LRRC37A2: variants seen among roughly 807,000 people sequenced by gnomAD.
The protein encoded by LRRC37A2 is leucine-rich repeat-containing protein 37A2.
Under a neutral mutation model 68.8 loss-of-function variants are expected in LRRC37A2, and 9 were observed. That is an observed-to-expected ratio of 0.13 (90% CI 0.08 to 0.23). LRRC37A2 has a LOEUF of 0.23. LRRC37A2 is among the 10% of genes least tolerant of loss of function. The pLI is 1.00. For synonymous variants in LRRC37A2, 63 were observed against 367.6 expected, an observed-to-expected ratio of 0.17 and a Z score of 9.48; for missense variants, 168 against 950.4, an observed-to-expected ratio of 0.18 and a Z score of 10.82.
At chr17:46,787,320 A>G in the LRRC37A2 span, among the ~76,000 whole-genome samples, 1 of 152,038 alleles carries the variant, frequency 6.6e-6, no homozygotes, top group Non-Finnish European at 1.5e-5. Context: ...GGGGAACAAT[A>G]GGAGTGTCCT....
At chr17:46,696,354 G>C in the LRRC37A2 span, among the ~76,000 whole-genome samples, 3 of 140,962 alleles carry the variant, frequency 2.1e-5, no homozygotes, top group Middle Eastern at 3.4e-3. Flanking sequence ...CCATTAAGCT[G>C]CCCTCAGTCT....
the LRRC37A2 span, among the ~76,000 whole-genome samples, chr17:46,489,237 A>C: frequency 4.8e-5 from 4 of 82,934 alleles, 1 homozygote; most frequent in African/African-American, 1.9e-4. Flanking sequence ...TCCCGGGTTC[A>C]AGCAATTATC....
At chr17:46,558,887 A>G (rs1442248470), downstream of LRRC37A2, 1 of 90,536 alleles carries the variant, frequency 1.1e-5, no homozygotes, top group African/African-American at 5.3e-5. Context: ...TTTGTTGCCC[A>G]GGCTGGTTTT....
At chr17:46,766,320 A>C in the LRRC37A2 span, among the ~76,000 whole-genome samples, 2 of 151,846 alleles carry the variant, frequency 1.3e-5, no homozygotes, top group Non-Finnish European at 1.5e-5. Flanking sequence ...AGGCAGGAGA[A>C]TCGCTTGAAC....
the LRRC37A2 span, chr17:46,713,299 A>C: frequency 1.3e-3 from 194 of 153,700 alleles, no homozygotes; most frequent in Middle Eastern, 0.014. Flanking sequence ...TGATTGGTTT[A>C]TGGTTGAACG....
the LRRC37A2 span, among the ~76,000 whole-genome samples, chr17:46,965,999 C>T: frequency 6.6e-6 from 1 of 151,386 alleles, no homozygotes; most frequent in Admixed American, 6.6e-5. Flanking sequence ...AGCCCACCAT[C>T]TTGACCTAAC....
At chr17:46,532,350 C>T (rs1402503133) in intron 6 of LRRC37A2, among the ~76,000 whole-genome samples, 1 of 150,476 alleles carries the variant, frequency 6.6e-6, no homozygotes, top group Non-Finnish European at 1.5e-5. Flanking sequence ...TTTCCATCTA[C>T]ATTCATAAGA....
chr17:46,936,810 T>G, the LRRC37A2 span: 1 of 984,624 alleles, frequency 1.0e-6, no homozygotes, highest in Non-Finnish European at 1.2e-6. Flanking sequence ...ATTTCTCTGA[T>G]CTCTGATGGC....
chr17:46,827,459 G>T, the LRRC37A2 span, among the ~76,000 whole-genome samples: 1 of 152,296 alleles, frequency 6.6e-6, no homozygotes, highest in East Asian at 1.9e-4. Flanking sequence ...TATGAGGAAA[G>T]CTGCCTGAAG....
At chr17:46,841,490 T>A in the LRRC37A2 span, among the ~76,000 whole-genome samples, 1 of 152,218 alleles carries the variant, frequency 6.6e-6, no homozygotes. Context: ...AAGAGGCCCG[T>A]CCCTGGTCCT....
chr17:46,778,440 C>G, the LRRC37A2 span, among the ~76,000 whole-genome samples: 3 of 152,168 alleles, frequency 2.0e-5, no homozygotes, highest in Non-Finnish European at 1.5e-5. Flanking sequence ...GGGCTTAGCT[C>G]CTGGGCCAGT....
At chr17:46,778,317 G>A in the LRRC37A2 span, among the ~76,000 whole-genome samples, 17,145 of 152,160 alleles carry the variant, frequency 0.11, 2,309 homozygotes, top group East Asian at 0.6. Context: ...CTGGATGAGG[G>A]TTCAAGGTCA....
chr17:46,900,240 C>T, the LRRC37A2 span, among the ~76,000 whole-genome samples: 21 of 134,568 alleles, frequency 1.6e-4, no homozygotes, highest in African/African-American at 5.6e-4. Flanking sequence ...TATATACACA[C>T]ATATATATAT....
chr17:46,797,149 C>T, the LRRC37A2 span, among the ~76,000 whole-genome samples: 2 of 152,182 alleles, frequency 1.3e-5, no homozygotes, highest in African/African-American at 4.8e-5. Context: ...GAACAATAAA[C>T]ACCAAGAGGC....
the LRRC37A2 span, among the ~76,000 whole-genome samples, chr17:46,845,308 C>T: frequency 6.6e-6 from 1 of 151,968 alleles, no homozygotes. Flanking sequence ...TGCCACCTGC[C>T]CAGCCATCTC....
At chr17:46,810,004 CT>C in the LRRC37A2 span, among the ~76,000 whole-genome samples, 545 of 126,360 alleles carry the variant, frequency 4.3e-3, 1 homozygote, top group Non-Finnish European at 5.4e-3. Context: ...TTCTTTCTTT[CT>C]TTTTTTTTTT....
At chr17:47,020,895 G>T in the LRRC37A2 span, among the ~76,000 whole-genome samples, 1 of 151,376 alleles carries the variant, frequency 6.6e-6, no homozygotes, top group Non-Finnish European at 1.5e-5. Context: ...GCTAGAATTT[G>T]CCAGAATCTG....
the LRRC37A2 span, among the ~76,000 whole-genome samples, chr17:46,897,122 C>T: frequency 3.3e-5 from 5 of 152,190 alleles, no homozygotes; most frequent in Admixed American, 1.3e-4. Context: ...GTACCAAGAA[C>T]GCTTGAGCAG....
At chr17:47,042,356 AAT>A in the LRRC37A2 span, among the ~76,000 whole-genome samples, 1 of 141,614 alleles carries the variant, frequency 7.1e-6, no homozygotes, top group African/African-American at 2.6e-5. Context: ...ATGCCCTGCT[AAT>A]GAGAAATTGT....
Sources: gnomAD v4.1 joint callset for allele counts (sites outside exome capture counted in the v4.1 genomes callset) on GRCh38, gnomAD v4.1.1 for gene constraint, MANE v1.5 for transcripts, NCBI Gene and HGNC (gene_info 2026-07-23, HGNC 2026-07-21) for gene names.